CFAP92: variants seen among roughly 807,000 people sequenced by gnomAD.
The protein encoded by CFAP92 is cilia and flagella associated protein 92 (putative).
Under a neutral mutation model 106.3 loss-of-function variants are expected in CFAP92, and 86 were observed. That is an observed-to-expected ratio of 0.81 (90% CI 0.68 to 0.97). The LOEUF (loss-of-function observed/expected upper bound fraction) is 0.97. Ranked by LOEUF, CFAP92 falls within the 50% of genes least tolerant of loss-of-function variation. The pLI, the probability that CFAP92 is intolerant of heterozygous loss-of-function variation, is 0.00. For missense variants in CFAP92, 1,204 were observed against 1,283.8 expected, an observed-to-expected ratio of 0.94 and a Z score of 0.95; for synonymous variants, 477 against 506.4, an observed-to-expected ratio of 0.94 and a Z score of 0.78.
intron 11 of CFAP92, 124 bp downstream of exon 11, chr3:128,935,001 C>G: frequency 1.4e-6 from 1 of 690,804 alleles, no homozygotes; most frequent in Non-Finnish European, 2.3e-6. Flanking sequence ...TCCTCCTCCC[C>G]CCACCATCTG....
chr3:129,020,623 T>C, the CFAP92 span, among the ~76,000 whole-genome samples: 1 of 152,020 alleles, frequency 6.6e-6, no homozygotes, highest in Non-Finnish European at 1.5e-5. Context: ...GGCAACAGAG[T>C]AACACCCTGT....
At chr3:129,009,274 T>C in the CFAP92 span, among the ~76,000 whole-genome samples, 1 of 152,162 alleles carries the variant, frequency 6.6e-6, no homozygotes, top group Admixed American at 6.5e-5. Context: ...AGTTAGTTCT[T>C]AGAACTGAAA....
intron 2 of CFAP92, chr3:128,991,909 A>C (rs1944241632): frequency 2.0e-6 from 2 of 984,000 alleles, no homozygotes; most frequent in Non-Finnish European, 2.4e-6. Context: ...TCCTCCCCTC[A>C]TATTGGGCTG....
In CFAP92 at chr3:128,987,887, G is replaced by A. The variant is rs537727156; in HGVS notation, c.454-58C>T. ...GGGAAAGATGTGCAAAGGCCGTGGC[G>A]AACAGAGCAAGCCCCAGCCCCAGCC... On this transcript the variant is annotated intron_variant, in intron 3 of 15. Transcript: ENST00000645291. 1.3e-4 allele frequency: 187 copies of A among 1,455,444 alleles called. No individual in the cohort carries two copies. The African/African-American group carries it at 1.9e-3, about 15-fold the overall frequency. The allele number at this position is 1,455,444 out of a possible 1,614,324, so 90.2% of individuals were successfully genotyped here.
At chr3:128,972,622 G>A (rs1341753308) in intron 7 of CFAP92, among the ~76,000 whole-genome samples, 1 of 151,668 alleles carries the variant, frequency 6.6e-6, no homozygotes, top group Non-Finnish European at 1.5e-5. Context: ...TTGGGAGGCT[G>A]AGGCAAGTGG....
chr3:128,993,046 T>A lies in CFAP92; in HGVS notation c.259A>T (p.Met87Leu). ...FTISLAFPVN[M>L]GQKGKYASLI... ...AAACTTCTGCTCTAGCACCTACCCA[T>A]ATTCACAGGGAAGGCCAGTGAGATG... The change falls in exon 2 of 16, where the codon ATG (methionine) becomes TTG (leucine). Residue 87 changes from methionine (M) to leucine (L), a missense_variant. Met to Leu is a conservative substitution (Grantham distance 15). Transcript: ENST00000645291. 3 of 1,614,022 alleles carry A rather than the reference T, an allele frequency of 1.9e-6. No homozygotes were observed. The highest frequency in any genetic ancestry group is 2.5e-6 in the Non-Finnish European group (3 of 1,179,874).
chr3:129,002,179 G>A (rs1283073900), intron 1 of CFAP92: 2 of 1,489,102 alleles, frequency 1.3e-6, no homozygotes, highest in South Asian at 1.3e-5. Flanking sequence ...CGCCGCCGCC[G>A]CCCGCCCTGC....
chr3:128,974,891 C>T (rs550833090), intron 7 of CFAP92, among the ~76,000 whole-genome samples: 45 of 150,692 alleles, frequency 3.0e-4, no homozygotes, highest in African/African-American at 1.1e-3. Context: ...GAGGCCGAGG[C>T]GGGCAGATCA....
upstream of CFAP92, among the ~76,000 whole-genome samples, chr3:129,005,284 T>C (rs958692613): frequency 6.6e-6 from 1 of 152,074 alleles, no homozygotes; most frequent in Non-Finnish European, 1.5e-5. Context: ...CACTTGAGGA[T>C]AGGATGTTAC....
At chr3:129,015,617 C>T in the CFAP92 span, among the ~76,000 whole-genome samples, 6 of 152,114 alleles carry the variant, frequency 3.9e-5, no homozygotes, top group South Asian at 6.2e-4. Flanking sequence ...CGTGTCTGCT[C>T]GCACACTCCT....
intron 4 of CFAP92, among the ~76,000 whole-genome samples, chr3:128,982,019 G>A (rs1943567370): frequency 6.6e-6 from 1 of 152,224 alleles, no homozygotes; most frequent in African/African-American, 2.4e-5. Context: ...TCTGGGAATG[G>A]TCAATGAGCA....
intron 10 of CFAP92, among the ~76,000 whole-genome samples, chr3:128,943,066 C>T (rs971637489): frequency 1.3e-5 from 2 of 150,602 alleles, no homozygotes; most frequent in African/African-American, 2.5e-5. Flanking sequence ...ATTACAGGCA[C>T]ACGCCACCAC....
intron 9 of CFAP92, among the ~76,000 whole-genome samples, chr3:128,956,994 A>AAGG (rs1553751695): frequency 7.7e-6 from 1 of 129,060 alleles, no homozygotes; most frequent in African/African-American, 2.8e-5. Flanking sequence ...AAAAAAAAAA[A>AAGG]AAAGAAATCA....
rs115489476 is a variant in CFAP92 at position 128,925,524 on chromosome 3, C to T, written c.2751+7176G>A. Among the ~76,000 whole-genome samples the T allele has an allele frequency of 8.5e-3, 1,298 of 152,142 alleles. 17 individuals are homozygous for T. The highest frequency in any genetic ancestry group is 0.028 in the African/African-American group (1,143 of 41,494). On this transcript the variant is annotated intron_variant, in intron 12 of 15. Coordinates refer to ENST00000645291, the MANE Select transcript of CFAP92 (RefSeq NM_001394090.1). ...GAAGGATGAAAAGGAGAAAAAAAGA[C>T]TGTAAAATAAAAAGTATGAGATGTA...
In CFAP92 at chr3:128,945,783, G is replaced by T; in HGVS notation, c.1546C>A (p.Arg516Ser). Residue 516 changes from arginine to serine, a missense_variant, in exon 10 of 16, where the codon CGC becomes AGC. Physicochemically the swap from Arg to Ser is moderately radical, Grantham distance 110 (BLOSUM62 -1). Transcript: ENST00000645291. ...TTCTGAGAACACTCCTCTGACTTGC[G>T]GTCCCGGTCGTGAACTTCCACCACC... Reference protein sequence around the residue: ...PMVVEVHDRDRKSEECSQKPV... With the variant: ...PMVVEVHDRDSKSEECSQKPV... 1 of 1,529,818 alleles carries T rather than the reference G, an allele frequency of 6.5e-7. No individual in the cohort carries two copies. Among genetic ancestry groups the T allele is most frequent in the South Asian group, 1.2e-5 (1 of 82,974 alleles). The allele number at this position is 1,529,818 out of a possible 1,614,324, so 94.8% of individuals were successfully genotyped here. A position where few individuals can be genotyped will look rare whatever the true frequency, so the allele number is the denominator to read the frequency against.
Position 128,977,020 on chromosome 3 carries a change from T to C in CFAP92, c.855A>G (p.Glu285=), listed in dbSNP as rs765429588. ...EPETSSKNSE[E]YEKSLKMDDS... Reference sequence around the variant, plus strand: ...CGTCCATTTTGAGGGACTTCTCATATTCCTCACTGTTCTTGGAAGAAGTTT... The same window carrying C: ...CGTCCATTTTGAGGGACTTCTCATACTCCTCACTGTTCTTGGAAGAAGTTT... Residue 285 remains glutamate (E), a synonymous_variant, in exon 6 of 16, where the codon GAA becomes GAG. Coordinates refer to ENST00000645291, the MANE Select transcript of CFAP92 (RefSeq NM_001394090.1). 6.2e-6 allele frequency: 10 copies of C among 1,613,910 alleles called. No homozygotes were observed. Among genetic ancestry groups the C allele is most frequent in the Admixed American group, 5.0e-5 (3 of 60,032 alleles).
chr3:128,988,957 A>G, intron 2 of CFAP92, 39 bp from the exon 3 acceptor site: 1 of 1,531,450 alleles, frequency 6.5e-7, no homozygotes, highest in Non-Finnish European at 9.0e-7. Flanking sequence ...TTTTAACCTC[A>G]TGTGGAAAAG....
At chr3:129,005,904 A>G (rs1945053534), upstream of CFAP92, among the ~76,000 whole-genome samples, 2 of 152,284 alleles carry the variant, frequency 1.3e-5, no homozygotes, top group Admixed American at 6.5e-5. Flanking sequence ...ACTTTATCCA[A>G]GAGGAGAAAT....
At chr3:128,943,597 A>G (rs1939880590) in intron 10 of CFAP92, among the ~76,000 whole-genome samples, 1 of 151,040 alleles carries the variant, frequency 6.6e-6, no homozygotes, top group South Asian at 2.1e-4. Flanking sequence ...GTGCAGTGGC[A>G]CGATCTCGGC....
Sources: allele counts gnomAD v4.1 joint callset (sites outside exome capture counted in the v4.1 genomes callset), GRCh38; gene constraint gnomAD v4.1.1; transcripts MANE v1.5; gene names NCBI Gene and HGNC (gene_info 2026-07-23, HGNC 2026-07-21).